The following STK32B variants were observed in gnomAD, a reference collection of about 807,000 sequenced individuals.
STK32B encodes the protein serine/threonine-protein kinase 32B.
Under a neutral mutation model 52.6 loss-of-function variants are expected in STK32B, and 43 were observed. That is an observed-to-expected ratio of 0.82 (90% CI 0.64 to 1.05). The LOEUF is 1.05. Among genes scored for constraint, STK32B ranks in the 50% least tolerant of loss-of-function variants. The pLI is 0.00. For missense variants in STK32B, 621 were observed against 534.6 expected (o/e 1.16, Z -1.59); for synonymous variants, 238 against 204.3 (o/e 1.17, Z -1.41).
chr4:5,128,540 G>T (rs1243334985), intron 1 of STK32B, among the ~76,000 whole-genome samples: 2 of 151,732 alleles, frequency 1.3e-5, no homozygotes. Context: ...GTGGAGCGAG[G>T]GGTAAAAAGA....
At chr4:5,199,756 CT>C (rs1244945133) in intron 3 of STK32B, among the ~76,000 whole-genome samples, 2 of 151,842 alleles carry the variant, frequency 1.3e-5, no homozygotes, top group African/African-American at 4.8e-5. Context: ...CCTAAATGTT[CT>C]CCCACCCCCG....
intron 1 of STK32B, among the ~76,000 whole-genome samples, chr4:5,138,959 G>T (rs1237786419): frequency 6.6e-6 from 1 of 152,184 alleles, no homozygotes; most frequent in Admixed American, 6.5e-5. Context: ...TTTCCACTGA[G>T]AGCAATGGAG....
At chr4:5,115,709 G>C (rs1356965177) in intron 1 of STK32B, among the ~76,000 whole-genome samples, 1 of 152,168 alleles carries the variant, frequency 6.6e-6, no homozygotes, top group African/African-American at 2.4e-5. Context: ...GAGAGCTGGT[G>C]CTTTGCTGGT....
intron 3 of STK32B, among the ~76,000 whole-genome samples, chr4:5,268,538 GGTGTGTGT>G (rs10593272): frequency 0.078 from 10,916 of 140,098 alleles, 414 homozygotes; most frequent in South Asian, 0.11. Flanking sequence ...TGCTTGGTGT[GGTGTGTGT>G]GTGTGTGTGT....
intron 3 of STK32B, among the ~76,000 whole-genome samples, chr4:5,307,215 T>G (rs928643134): frequency 1.3e-5 from 2 of 152,324 alleles, no homozygotes; most frequent in South Asian, 2.1e-4. Context: ...TTTCCTTGAT[T>G]ATTGCCTCAA....
intron 11 of STK32B, among the ~76,000 whole-genome samples, chr4:5,478,280 C>T (rs1718391090): frequency 6.6e-6 from 1 of 152,164 alleles, no homozygotes; most frequent in South Asian, 2.1e-4. Flanking sequence ...GAGACTGCTG[C>T]CCTTCAGTTC....
chr4:5,273,932 G>GT (rs1372120440), intron 3 of STK32B, among the ~76,000 whole-genome samples: 1 of 151,144 alleles, frequency 6.6e-6, no homozygotes, highest in African/African-American at 2.4e-5. Flanking sequence ...CATGACACAT[G>GT]TATACATATG....
At chr4:5,020,686 T>C in the STK32B span, among the ~76,000 whole-genome samples, 2 of 151,582 alleles carry the variant, frequency 1.3e-5, no homozygotes, top group Non-Finnish European at 1.5e-5. Context: ...CAGAGATGAG[T>C]TGGGGTCCTC....
intron 3 of STK32B, among the ~76,000 whole-genome samples, chr4:5,224,580 G>A (rs1723745706): frequency 6.6e-6 from 1 of 152,074 alleles, no homozygotes; most frequent in Admixed American, 6.6e-5. Context: ...TTTCCTTCCT[G>A]GTTCCACTTC....
At chr4:5,298,285 G>T (rs1220260501) in intron 3 of STK32B, among the ~76,000 whole-genome samples, 2 of 152,216 alleles carry the variant, frequency 1.3e-5, no homozygotes, top group African/African-American at 4.8e-5. Context: ...TGAAAAGGCA[G>T]TCTGTTCCTT....
chr4:5,091,654 T>C (rs777759495), intron 1 of STK32B, among the ~76,000 whole-genome samples: 1 of 152,212 alleles, frequency 6.6e-6, no homozygotes, highest in Non-Finnish European at 1.5e-5. Flanking sequence ...TGGAAACAGC[T>C]TGACAGTTCC....
Position 5,378,215 on chromosome 4 carries a change from T to C in STK32B, c.435-19992T>C, listed in dbSNP as rs149128647. Among the ~76,000 whole-genome samples, 33 of 152,314 alleles carry C rather than the reference T, an allele frequency of 2.2e-4. No individual in the cohort carries two copies. Among genetic ancestry groups the C allele is most frequent in the African/African-American group, 5.3e-4 (22 of 41,562 alleles). ...CGCCCACTGGTGACAGCAGGCACTT[T>C]ATGAAAGACAGACGTTAGAGGGGAG... On this transcript the variant is annotated intron_variant, in intron 4 of 11. Transcript: ENST00000282908. This position sits in a 1 kb window ranked among gnomAD's most constrained non-coding sequence, Gnocchi z 4.4.
chr4:5,129,235 T>C lies in STK32B; in HGVS notation c.53-10670T>C, dbSNP rs1715599347. On this transcript the variant is annotated intron_variant, in intron 1 of 11. Transcript: ENST00000282908. ...GTGAAAGGAGAGACATTCATTTTAT[T>C]TTATTATATTTTTCCCCAGTAGCTA... Among the ~76,000 whole-genome samples, 3 of 152,180 alleles carry C rather than the reference T, an allele frequency of 2.0e-5. No individual in the cohort carries two copies. In the South Asian group the frequency reaches 6.2e-4, roughly 32 times the overall value.
Position 5,403,579 on chromosome 4 carries a change from G to A in STK32B, c.472+5335G>A, listed in dbSNP as rs547503520. Among the ~76,000 whole-genome samples, 7 of 152,230 alleles carry A rather than the reference G, an allele frequency of 4.6e-5. No individual in the cohort carries two copies. In the South Asian group the frequency reaches 1.5e-3, roughly 32 times the overall value. On this transcript the variant is annotated intron_variant, in intron 5 of 11. Coordinates refer to ENST00000282908, the MANE Select transcript of STK32B (RefSeq NM_018401.3). ...ACCTCACATTTTCTATTAATACACT[G>A]TATTTTATAACACTCATTAACTGAA... is the stretch of plus-strand genomic sequence containing the variant.
chr4:5,125,874 G>A (rs1295751209), intron 1 of STK32B, among the ~76,000 whole-genome samples: 1 of 152,186 alleles, frequency 6.6e-6, no homozygotes, highest in Non-Finnish European at 1.5e-5. Flanking sequence ...CGAAGGGGCT[G>A]CCTCTTATTC....
intron 3 of STK32B, among the ~76,000 whole-genome samples, chr4:5,322,899 C>T (rs1273402442): frequency 1.3e-5 from 2 of 152,194 alleles, no homozygotes; most frequent in African/African-American, 2.4e-5. Flanking sequence ...ATCAGCATGG[C>T]TGACCTTTAG....
chr4:5,188,303 G>A (rs540321483), intron 3 of STK32B, among the ~76,000 whole-genome samples: 2 of 152,132 alleles, frequency 1.3e-5, no homozygotes, highest in South Asian at 2.1e-4. Context: ...AATAGCATTC[G>A]CATGTAATAC....
At chr4:5,462,242 G>A (rs1412427291) in intron 9 of STK32B, among the ~76,000 whole-genome samples, 2 of 151,858 alleles carry the variant, frequency 1.3e-5, no homozygotes, top group Non-Finnish European at 2.9e-5. Flanking sequence ...GTATCTGCGT[G>A]TGTGTGCCTC....
intron 4 of STK32B, among the ~76,000 whole-genome samples, chr4:5,339,796 T>C (rs1433814657): frequency 6.6e-6 from 1 of 152,200 alleles, no homozygotes; most frequent in Non-Finnish European, 1.5e-5. Flanking sequence ...AACCTACTTC[T>C]TGGGCTGTTA....
Sources: allele counts gnomAD v4.1 joint callset (sites outside exome capture counted in the v4.1 genomes callset), GRCh38; gene constraint gnomAD v4.1.1; non-coding constraint Gnocchi (gnomAD v3.1); transcripts MANE v1.5; gene names NCBI Gene and HGNC (gene_info 2026-07-23, HGNC 2026-07-21).